Variants in WFDC1 observed in about 807,000 individuals in gnomAD.
WFDC1 encodes the protein WAP four-disulfide core domain 1.
Under a neutral mutation model 32.9 loss-of-function variants are expected in WFDC1, and 39 were observed. The observed-to-expected ratio is 1.19, with a 90% CI of 0.92 to 1.55. The LOEUF (loss-of-function observed/expected upper bound fraction) is 1.55. Among genes scored for constraint, WFDC1 ranks in the 40% most tolerant of loss-of-function variants. The pLI is 0.00. For missense variants in WFDC1, 386 were observed against 309.5 expected, an observed-to-expected ratio of 1.25 and a Z score of -1.85; for synonymous variants, 184 against 137.4, an observed-to-expected ratio of 1.34 and a Z score of -2.37.
chr16:84,304,315 GC>G (rs56339375), intron 1 of WFDC1, among the ~76,000 whole-genome samples: 11,107 of 152,244 alleles, frequency 0.073, 533 homozygotes, highest in South Asian at 0.16. Flanking sequence ...TGCAACTTCT[GC>G]CTGCGTGGTT....
At chr16:84,312,289 C>A (rs1207416358) in intron 1 of WFDC1, among the ~76,000 whole-genome samples, 1 of 152,180 alleles carries the variant, frequency 6.6e-6, no homozygotes, top group Non-Finnish European at 1.5e-5. Flanking sequence ...AGAAACAGAA[C>A]AGAGCCAGTC....
chr16:84,318,472 A>G, intron 3 of WFDC1, 117 bp downstream of exon 3: 1 of 940,462 alleles, frequency 1.1e-6, no homozygotes, highest in Admixed American at 2.0e-5. Context: ...CCCTTCAGCC[A>G]AACACTCAGC....
intron 1 of WFDC1, among the ~76,000 whole-genome samples, chr16:84,309,696 G>GCC (rs201591256): frequency 0.017 from 2,616 of 151,974 alleles, 67 homozygotes; most frequent in African/African-American, 0.06. Flanking sequence ...GCAGAGCCGC[G>GCC]CCCCCCCAAC....
intron 1 of WFDC1, among the ~76,000 whole-genome samples, chr16:84,312,670 C>T (rs998615304): frequency 6.6e-6 from 1 of 152,162 alleles, no homozygotes. Context: ...ATCTCTCTCT[C>T]ACACCGGGTA....
intron 2 of WFDC1, among the ~76,000 whole-genome samples, chr16:84,314,508 C>T (rs1907837746): frequency 6.6e-6 from 1 of 152,154 alleles, no homozygotes; most frequent in Non-Finnish European, 1.5e-5. Flanking sequence ...GGCCCAGCCC[C>T]TCCTCCCAAG....
intron 4 of WFDC1, among the ~76,000 whole-genome samples, chr16:84,324,170 G>T (rs529709253): frequency 1.3e-5 from 2 of 152,082 alleles, no homozygotes; most frequent in East Asian, 3.9e-4. Context: ...TCTCAAGACC[G>T]CTGTACCCTG....
intron 1 of WFDC1, among the ~76,000 whole-genome samples, chr16:84,303,822 C>T (rs1293287378): frequency 6.6e-6 from 1 of 152,202 alleles, no homozygotes; most frequent in East Asian, 1.9e-4. Flanking sequence ...AGCCGTCAGT[C>T]CTCCTTCCCT....
At chr16:84,297,647 A>ACAC (rs1906688508) in intron 1 of WFDC1, among the ~76,000 whole-genome samples, 1 of 126,304 alleles carries the variant, frequency 7.9e-6, no homozygotes, top group Non-Finnish European at 1.7e-5. Context: ...AAAAAAAAAA[A>ACAC]CTGTGCCTCA....
intron 1 of WFDC1, among the ~76,000 whole-genome samples, chr16:84,300,753 C>G (rs1272105811): frequency 6.6e-6 from 1 of 152,026 alleles, no homozygotes; most frequent in East Asian, 1.9e-4. Context: ...GCGGATCACC[C>G]GAGGTCAGGA....
At chr16:84,300,171 G>A (rs371557254) in intron 1 of WFDC1, among the ~76,000 whole-genome samples, 15 of 152,350 alleles carry the variant, frequency 9.8e-5, no homozygotes, top group African/African-American at 2.9e-4. Context: ...ATCTGTGTCT[G>A]CTGGCCTGAA....
Position 84,295,067 on chromosome 16 carries a change from G to A in WFDC1, c.96G>A (p.Lys32=), listed in dbSNP as rs770029658. 1 of 1,614,222 alleles carries A rather than the reference G, an allele frequency of 6.2e-7. No individual in the cohort carries two copies. Among genetic ancestry groups the A allele is most frequent in the South Asian group, 1.1e-5 (1 of 91,090 alleles). ...TTCTCCTCCACGCCGGCTCTGCCAA[G>A]AATATCTGGAAACGGGCATTGCCTG... The part of the protein sequence containing the change: ...LLLLLHAGSA[K]NIWKRALPAR... Residue 32 remains lysine (K), a synonymous_variant, in exon 1 of 7, where the codon AAG becomes AAA. Coordinates refer to ENST00000219454, the MANE Select transcript of WFDC1 (RefSeq NM_021197.4).
chr16:84,317,811 A>T (rs1189698414), intron 2 of WFDC1: 1 of 166,668 alleles, frequency 6.0e-6, no homozygotes, highest in Non-Finnish European at 1.3e-5. Context: ...TCTCTCAGCT[A>T]TTAGTGCAGA....
In WFDC1 at chr16:84,324,457, C is replaced by T. The variant is rs376380216; in HGVS notation, c.601C>T (p.Pro201Ser). 38 of 1,613,480 alleles carry T rather than the reference C, an allele frequency of 2.4e-5. No homozygotes were observed. The African/African-American group carries it at 3.6e-4, about 15-fold the overall frequency. The change falls in exon 5 of 7, where the codon CCA becomes TCA. Residue 201 changes from proline to serine, a missense_variant. Transcript: ENST00000219454. Reference sequence around the variant, plus strand: ...ACGACACAAACTTTACAAAGAATATCCAGGTAAAAGAAGAAACTGTTCTTT... The same window carrying T: ...ACGACACAAACTTTACAAAGAATATTCAGGTAAAAGAAGAAACTGTTCTTT... Reference protein sequence around the residue: ...ILRHKLYKEYPEGDSKNVAEP... With the variant: ...ILRHKLYKEYSEGDSKNVAEP...
At chr16:84,301,084 C>G (rs1248580626) in intron 1 of WFDC1, among the ~76,000 whole-genome samples, 2 of 152,088 alleles carry the variant, frequency 1.3e-5, no homozygotes, top group East Asian at 3.9e-4. Flanking sequence ...ACAAGAGACA[C>G]ATGAGGGACC....
intron 3 of WFDC1, chr16:84,318,579 C>T (rs1180532605): frequency 6.4e-6 from 3 of 472,046 alleles, no homozygotes; most frequent in East Asian, 6.9e-5. Flanking sequence ...CGACTCTCCC[C>T]AAGAATGGAG....
chr16:84,302,404 G>C (rs1485618001), intron 1 of WFDC1, among the ~76,000 whole-genome samples: 2 of 152,056 alleles, frequency 1.3e-5, no homozygotes, highest in African/African-American at 2.4e-5. Context: ...CTAAAAAGCA[G>C]CGAGAACCTG....
intron 1 of WFDC1, among the ~76,000 whole-genome samples, chr16:84,299,189 C>T (rs958842934): frequency 4.0e-5 from 6 of 151,792 alleles, no homozygotes; most frequent in South Asian, 2.1e-4. Flanking sequence ...GGAGAAACCC[C>T]GTCTGTACTA....
chr16:84,310,133 G>T (rs1019327841), intron 1 of WFDC1, among the ~76,000 whole-genome samples: 1 of 151,982 alleles, frequency 6.6e-6, no homozygotes, highest in East Asian at 1.9e-4. Context: ...TCGCTCACTG[G>T]TTAAATGCGA....
intron 2 of WFDC1, among the ~76,000 whole-genome samples, chr16:84,313,528 A>C (rs1038800116): frequency 6.6e-5 from 10 of 152,296 alleles, no homozygotes; most frequent in Admixed American, 6.5e-4. Flanking sequence ...TTCTCATTTA[A>C]AAGATCAAGA....
Sources: allele counts gnomAD v4.1 joint callset (sites outside exome capture counted in the v4.1 genomes callset), GRCh38; gene constraint gnomAD v4.1.1; transcripts MANE v1.5; gene names NCBI Gene and HGNC (gene_info 2026-07-23, HGNC 2026-07-21).